NRP1: variants seen among roughly 807,000 people sequenced by gnomAD.
NRP1 encodes the protein neuropilin-1.
A neutral mutation model predicts 106.7 loss-of-function variants in NRP1; 35 were observed. That is an observed-to-expected ratio of 0.33 (90% confidence interval 0.25 to 0.43). The LOEUF (loss-of-function observed/expected upper bound fraction) is 0.43, where lower values mean the gene tolerates loss of function less well. NRP1 is among the 20% of genes least tolerant of loss of function. The pLI, the probability that NRP1 is intolerant of heterozygous loss-of-function variation, is 1.00. For synonymous variants in NRP1, 437 were observed against 417.9 expected, an observed-to-expected ratio of 1.05 and a Z score of -0.56; for missense variants, 1,024 against 1,170.4, an observed-to-expected ratio of 0.87 and a Z score of 1.83.
At chr10:33,274,790 C>T (rs1184819404) in intron 2 of NRP1, among the ~76,000 whole-genome samples, 1 of 152,132 alleles carries the variant, frequency 6.6e-6, no homozygotes. Flanking sequence ...AGGACCTCCC[C>T]CCACTGGCAT....
At chr10:33,233,761 GA>G (rs1201130269) in intron 6 of NRP1, among the ~76,000 whole-genome samples, 1 of 152,166 alleles carries the variant, frequency 6.6e-6, no homozygotes, top group Non-Finnish European at 1.5e-5. Context: ...AATATTTTTT[GA>G]GGGGGAGACT....
chr10:33,277,464 C>T (rs986955420), intron 2 of NRP1, among the ~76,000 whole-genome samples: 4 of 152,360 alleles, frequency 2.6e-5, no homozygotes, highest in Non-Finnish European at 4.4e-5. Flanking sequence ...ACGGGCAGCC[C>T]CAAGGAAGGC....
At chr10:33,320,431 G>A (rs550435100) in intron 2 of NRP1, among the ~76,000 whole-genome samples, 2 of 152,266 alleles carry the variant, frequency 1.3e-5, no homozygotes, top group East Asian at 3.9e-4. Context: ...CTCTGATTAA[G>A]CTAGAGGGAG....
At chr10:33,275,872 T>C (rs1022201861) in intron 2 of NRP1, among the ~76,000 whole-genome samples, 4 of 151,914 alleles carry the variant, frequency 2.6e-5, no homozygotes, top group Non-Finnish European at 5.9e-5. Flanking sequence ...ATTGTGTTAC[T>C]GCACTCCAGC....
chr10:33,217,341 A>G (rs1258942272), intron 8 of NRP1, among the ~76,000 whole-genome samples: 1 of 152,012 alleles, frequency 6.6e-6, no homozygotes, highest in Admixed American at 6.6e-5. Flanking sequence ...CATGGTGCAA[A>G]GTGAGACTGT....
intron 9 of NRP1, among the ~76,000 whole-genome samples, chr10:33,210,063 G>GGTT (rs1323452308): frequency 6.6e-6 from 1 of 152,160 alleles, no homozygotes. Flanking sequence ...AGATTGGGTA[G>GGTT]GTTGCAACAG....
chr10:33,322,019 C>T (rs902063624), intron 2 of NRP1, among the ~76,000 whole-genome samples: 3 of 152,180 alleles, frequency 2.0e-5, no homozygotes, highest in Non-Finnish European at 2.9e-5. Context: ...CCCTTTAACC[C>T]TTACAGAGCC....
chr10:33,182,566 G>A (rs904566029), intron 16 of NRP1, 132 bp downstream of exon 16: 1 of 655,958 alleles, frequency 1.5e-6, no homozygotes, highest in South Asian at 1.8e-5. Flanking sequence ...CCAACCCAGG[G>A]CCATGGGCAT....
chr10:33,256,855 G>A (rs1842229725), intron 4 of NRP1, among the ~76,000 whole-genome samples: 1 of 152,182 alleles, frequency 6.6e-6, no homozygotes, highest in Non-Finnish European at 1.5e-5. Flanking sequence ...TGTGGTCACT[G>A]AGGTTTCTGA....
intron 9 of NRP1, among the ~76,000 whole-genome samples, chr10:33,211,034 T>C (rs1164545953): frequency 2.6e-5 from 4 of 152,240 alleles, no homozygotes; most frequent in Admixed American, 6.5e-5. Flanking sequence ...ATGATAATGA[T>C]GGATAGAACC....
At chr10:33,197,417 G>A (rs908358769) in intron 12 of NRP1, among the ~76,000 whole-genome samples, 2 of 152,216 alleles carry the variant, frequency 1.3e-5, no homozygotes, top group Admixed American at 1.3e-4. Context: ...TTCCTTCAGT[G>A]GAGAGCTGGG....
At chr10:33,254,819 C>T (rs1007698590) in intron 5 of NRP1, among the ~76,000 whole-genome samples, 11 of 152,104 alleles carry the variant, frequency 7.2e-5, no homozygotes, top group African/African-American at 2.7e-4. Context: ...CCCCAAAGCA[C>T]CACAGTTTTA....
intron 10 of NRP1, 68 bp downstream of exon 10, chr10:33,207,504 A>G (rs1205031867): frequency 5.7e-6 from 9 of 1,572,748 alleles, no homozygotes; most frequent in Non-Finnish European, 7.8e-6. Context: ...AGGCACCATC[A>G]GGGGCATAAA....
intron 2 of NRP1, among the ~76,000 whole-genome samples, chr10:33,311,589 CAATA>C (rs1441645412): frequency 6.6e-6 from 1 of 152,068 alleles, no homozygotes; most frequent in African/African-American, 2.4e-5. Context: ...ACTGGTTGGT[CAATA>C]AATATTTATT....
intron 2 of NRP1, among the ~76,000 whole-genome samples, chr10:33,318,973 T>TA (rs1847241543): frequency 6.8e-6 from 1 of 148,074 alleles, no homozygotes; most frequent in African/African-American, 2.5e-5. Flanking sequence ...CGGGGTCGAG[T>TA]GGGGACTTAG....
chr10:33,277,247 C>T (rs919842995), intron 2 of NRP1, among the ~76,000 whole-genome samples: 6 of 152,082 alleles, frequency 3.9e-5, no homozygotes, highest in African/African-American at 1.4e-4. Context: ...GAGAGACAGA[C>T]ACAGACAGCC....
Position 33,305,790 on chromosome 10 carries a change from A to G in NRP1, c.248+24918T>C, listed in dbSNP as rs1846110288. Among the ~76,000 whole-genome samples, 5 of 147,382 alleles carry G rather than the reference A, an allele frequency of 3.4e-5. No individual in the cohort carries two copies. In the South Asian group the frequency reaches 1.0e-3, roughly 31 times the overall value. ...GTTCTTTTTTTCTTTTTTCTTTGAGATAGAGTCTCACTGTGTTGCCCAGGC... is the reference window on the plus strand; with the variant it reads ...GTTCTTTTTTTCTTTTTTCTTTGAGGTAGAGTCTCACTGTGTTGCCCAGGC... On this transcript the variant is annotated intron_variant, in intron 2 of 16. Transcript: ENST00000374867.
intron 10 of NRP1, chr10:33,206,435 T>C (rs942572507): frequency 2.1e-5 from 9 of 427,892 alleles, no homozygotes; most frequent in Non-Finnish European, 3.3e-5. Context: ...TGGCCTGCTT[T>C]TAAATAAACA....
At chr10:33,232,471 G>A (rs1840219340) in intron 6 of NRP1, among the ~76,000 whole-genome samples, 1 of 151,922 alleles carries the variant, frequency 6.6e-6, no homozygotes, top group Non-Finnish European at 1.5e-5. Flanking sequence ...ATGGCGGTGG[G>A]CAGGGATGGA....
Sources: allele counts gnomAD v4.1 joint callset (sites outside exome capture counted in the v4.1 genomes callset), GRCh38; gene constraint gnomAD v4.1.1; transcripts MANE v1.5; gene names NCBI Gene and HGNC (gene_info 2026-07-23, HGNC 2026-07-21).